Variants in EDAR observed in about 807,000 individuals in gnomAD.
The protein encoded by EDAR is ectodysplasin A receptor, also known as tumor necrosis factor receptor superfamily member EDAR.
Under a neutral mutation model 51.3 loss-of-function variants are expected in EDAR, and 38 were observed. The observed-to-expected ratio is 0.74, with a 90% CI of 0.57 to 0.97. The LOEUF (loss-of-function observed/expected upper bound fraction) is 0.97. Ranked by LOEUF, EDAR falls within the 50% of genes least tolerant of loss-of-function variation. The pLI is 0.00. For synonymous variants in EDAR, 227 were observed against 242.1 expected (o/e 0.94, Z 0.58); for missense variants, 528 against 595.0 (o/e 0.89, Z 1.17).
chr2:108,914,055 G>C (rs770935136), intron 5 of EDAR, among the ~76,000 whole-genome samples: 1 of 151,904 alleles, frequency 6.6e-6, no homozygotes, highest in African/African-American at 2.4e-5. Flanking sequence ...GAGGTCAGGA[G>C]TTCAAGACTA....
chr2:108,958,730 A>G (rs1697975188), intron 1 of EDAR, among the ~76,000 whole-genome samples: 1 of 152,232 alleles, frequency 6.6e-6, no homozygotes. Flanking sequence ...TATCTGGCCC[A>G]GGAGACCTAA....
chr2:108,987,694 G>T (rs1698519793), intron 1 of EDAR, among the ~76,000 whole-genome samples: 1 of 152,200 alleles, frequency 6.6e-6, no homozygotes, highest in African/African-American at 2.4e-5. Context: ...CTTAGGGATG[G>T]GGAGGGGTAC....
intron 1 of EDAR, among the ~76,000 whole-genome samples, chr2:108,960,306 T>C (rs369242075): frequency 1.3e-5 from 2 of 152,198 alleles, no homozygotes; most frequent in Admixed American, 6.5e-5. Flanking sequence ...TCCTAGGAGA[T>C]TGTCTGAACA....
chr2:108,925,162 G>A (rs1394951194), intron 4 of EDAR, among the ~76,000 whole-genome samples: 2 of 151,146 alleles, frequency 1.3e-5, no homozygotes, highest in African/African-American at 4.9e-5. Context: ...GGGCTGGGAG[G>A]CCCTCCAGGG....
intron 1 of EDAR, among the ~76,000 whole-genome samples, chr2:108,964,585 T>C (rs1344734794): frequency 1.3e-5 from 2 of 152,200 alleles, no homozygotes; most frequent in Non-Finnish European, 2.9e-5. Context: ...GATAATCTTT[T>C]AACAACAAAG....
intron 1 of EDAR, among the ~76,000 whole-genome samples, chr2:108,986,187 C>A (rs1156933429): frequency 3.3e-5 from 5 of 152,140 alleles, no homozygotes; most frequent in African/African-American, 7.2e-5. Context: ...ACTAGACTAT[C>A]TTAGACTGAA....
At chr2:108,988,832 T>C (rs1488024543) in intron 1 of EDAR, 128 bp downstream of exon 1, 1 of 152,206 alleles carries the variant, frequency 6.6e-6, no homozygotes, top group Non-Finnish European at 1.5e-5. Context: ...CGGTAAAGCT[T>C]GTTCAAACGC....
At chr2:108,928,628 T>C (rs1266553830) in intron 4 of EDAR, among the ~76,000 whole-genome samples, 4 of 152,188 alleles carry the variant, frequency 2.6e-5, no homozygotes, top group African/African-American at 9.6e-5. Flanking sequence ...CAGGATTTTC[T>C]GGGGATTGAG....
chr2:108,965,892 G>A (rs1261098224), intron 1 of EDAR, among the ~76,000 whole-genome samples: 1 of 151,732 alleles, frequency 6.6e-6, no homozygotes, highest in Non-Finnish European at 1.5e-5. Flanking sequence ...TCTCCCCCCA[G>A]GCAAAGAAAT....
At chr2:108,979,270 A>T (rs1417770203) in intron 1 of EDAR, among the ~76,000 whole-genome samples, 1 of 152,188 alleles carries the variant, frequency 6.6e-6, no homozygotes, top group Non-Finnish European at 1.5e-5. Flanking sequence ...TAAAGGTGTC[A>T]TCTGGTTGGA....
intron 4 of EDAR, among the ~76,000 whole-genome samples, chr2:108,925,496 C>G (rs1301364558): frequency 6.6e-6 from 1 of 152,240 alleles, no homozygotes; most frequent in African/African-American, 2.4e-5. Context: ...GTGTCTTTGA[C>G]TTGTCCTGGG....
At chr2:108,925,556 T>A (rs1378847496) in intron 4 of EDAR, among the ~76,000 whole-genome samples, 1 of 152,194 alleles carries the variant, frequency 6.6e-6, no homozygotes, top group Non-Finnish European at 1.5e-5. Context: ...GTGGGGGTCA[T>A]GTGTATGGGT....
intron 1 of EDAR, among the ~76,000 whole-genome samples, chr2:108,966,181 C>T (rs1308803060): frequency 6.6e-6 from 1 of 152,148 alleles, no homozygotes; most frequent in Non-Finnish European, 1.5e-5. Flanking sequence ...TTTTATTGCC[C>T]CTGTCATCTT....
At chr2:108,927,521 C>T (rs377709540) in intron 4 of EDAR, among the ~76,000 whole-genome samples, 21 of 152,302 alleles carry the variant, frequency 1.4e-4, no homozygotes, top group South Asian at 1.0e-3. Context: ...CCCTGGCCTT[C>T]GGGTACTGAT....
At chr2:108,960,195 A>T (rs1698011962) in intron 1 of EDAR, among the ~76,000 whole-genome samples, 1 of 150,792 alleles carries the variant, frequency 6.6e-6, no homozygotes, top group Non-Finnish European at 1.5e-5. Flanking sequence ...GGCAACCACC[A>T]GTTCTCCCCG....
At chr2:108,906,926 C>T (rs1696817754) in intron 10 of EDAR, among the ~76,000 whole-genome samples, 1 of 152,268 alleles carries the variant, frequency 6.6e-6, no homozygotes, top group African/African-American at 2.4e-5. Flanking sequence ...CAGGACCAGG[C>T]TGGAGCCAGG....
intron 1 of EDAR, among the ~76,000 whole-genome samples, chr2:108,981,619 T>C (rs576994009): frequency 6.6e-6 from 1 of 152,306 alleles, no homozygotes; most frequent in South Asian, 2.1e-4. Flanking sequence ...CATCTGTCTA[T>C]ACCTAGACCT....
At chr2:108,946,879 T>A (rs1235353399) in intron 1 of EDAR, among the ~76,000 whole-genome samples, 2 of 145,616 alleles carry the variant, frequency 1.4e-5, no homozygotes, top group African/African-American at 5.3e-5. Flanking sequence ...CCGCCCCTGG[T>A]CCCTCCCAAA....
intron 2 of EDAR, 23 bp downstream of exon 2, chr2:108,930,941 G>A: frequency 6.2e-7 from 1 of 1,613,578 alleles, no homozygotes; most frequent in Non-Finnish European, 8.5e-7. Flanking sequence ...GTGCTGTGGG[G>A]GTAAGGGGCT....
Sources: gnomAD v4.1 joint callset for allele counts (sites outside exome capture counted in the v4.1 genomes callset) on GRCh38, gnomAD v4.1.1 for gene constraint, MANE v1.5 for transcripts, NCBI Gene and HGNC (gene_info 2026-07-23, HGNC 2026-07-21) for gene names.